The following GON4L variants were observed in gnomAD, a reference collection of about 807,000 sequenced individuals.
GON4L encodes gon-4 like.
Under a neutral mutation model 211.8 loss-of-function variants are expected in GON4L, and 87 were observed. That is an observed-to-expected ratio of 0.41 (90% confidence interval 0.35 to 0.49). The LOEUF (loss-of-function observed/expected upper bound fraction) is 0.49. Ranked by LOEUF, GON4L falls within the 20% of genes least tolerant of loss-of-function variation. GON4L has a pLI of 0.15. For synonymous variants in GON4L, 875 were observed against 962.6 expected (o/e 0.91, Z 1.68); for missense variants, 2,155 against 2,659.5 (o/e 0.81, Z 4.17).
At chr1:155,787,230 A>C (rs1042071541) in intron 12 of GON4L, among the ~76,000 whole-genome samples, 12 of 152,212 alleles carry the variant, frequency 7.9e-5, no homozygotes, top group Non-Finnish European at 1.5e-4. Context: ...AGATCAGTTT[A>C]TTAACTGCAT....
rs775951106 is a variant in GON4L, at chr1:155,826,996, G to A, written c.538C>T (p.Pro180Ser). The change falls in exon 3 of 32, where the codon CCT becomes TCT. Residue 180 changes from proline to serine, a missense_variant. Transcript: ENST00000368331. ...GATTGGCTGCCTGATGGCAGGGAAG[G>A]TATCTCCCCTTCAGAATTCATTTGA... ...KPQMNSEGEI[P>S]SLPSGSQSAK... 9.3e-6 allele frequency: 15 copies of A among 1,613,744 alleles called. No homozygotes were observed. In the South Asian group the frequency reaches 1.6e-4, roughly 18 times the overall value.
Position 155,766,105 on chromosome 1 carries a change from C to A in GON4L, c.3368G>T (p.Arg1123Ile). ...CATACAGGGAGAGGCCTTGACTCCT[C>A]TTCTCTTTGAGGGTCTCCGTCTCAC... ...PYVRRRPSKR[R>I]GVKASPCMKP... Residue 1123 changes from arginine (R) to isoleucine (I), a missense_variant, in exon 21 of 32, where the codon AGA (arginine) becomes ATA (isoleucine). Arg to Ile is a moderately conservative substitution (Grantham distance 97). Coordinates refer to ENST00000368331, the MANE Select transcript of GON4L (RefSeq NM_001282860.2). The A allele has an allele frequency of 6.2e-7, 1 of 1,614,172 alleles. No homozygotes were observed. The highest frequency in any genetic ancestry group is 1.1e-5 in the South Asian group (1 of 91,076).
chr1:155,803,562 C>CA (rs1198630356), intron 11 of GON4L, among the ~76,000 whole-genome samples: 8 of 152,068 alleles, frequency 5.3e-5, no homozygotes, highest in Admixed American at 4.6e-4. Flanking sequence ...TGTTTCCATC[C>CA]AAACTTTTAT....
chr1:155,838,486 T>C (rs1670505219), intron 2 of GON4L, among the ~76,000 whole-genome samples: 2 of 152,206 alleles, frequency 1.3e-5, no homozygotes, highest in Middle Eastern at 3.4e-3. Context: ...TTGTCTAATA[T>C]AGTTCCAGCT....
In GON4L at chr1:155,766,580, T is replaced by A. The variant is rs142139117; in HGVS notation, c.2893A>T (p.Ser965Cys). 163 of 1,613,980 alleles carry A rather than the reference T, an allele frequency of 1.0e-4. No individual in the cohort carries two copies. Among genetic ancestry groups the A allele is most frequent in the Non-Finnish European group, 1.3e-4 (158 of 1,180,026 alleles). Residue 965 changes from serine (S) to cysteine (C), a missense_variant, in exon 21 of 32, where the codon AGT (serine) becomes TGT (cysteine). By Grantham distance (112) the Ser-to-Cys change is moderately radical. Around this residue, in one of 6 missense-constraint regions of GON4L, gnomAD observed 615 missense variants for 625.7 expected, o/e 0.98. Transcript: ENST00000368331. Reference protein sequence around the residue: ...SLEKDNLELGSESRYPLLLPK... With the variant: ...SLEKDNLELGCESRYPLLLPK... ...AATAGCAGTGGGTACCGAGATTCACTCCCCAACTCCAAATTGTCTTTTTCT... is the reference window on the plus strand; with the variant it reads ...AATAGCAGTGGGTACCGAGATTCACACCCCAACTCCAAATTGTCTTTTTCT...
intron 23 of GON4L, 27 bp from the exon 24 acceptor site, chr1:155,760,668 A>G (rs1480458695): frequency 6.6e-7 from 1 of 1,509,096 alleles, no homozygotes; most frequent in South Asian, 1.1e-5. Context: ...TCAATCATCA[A>G]CACCCTTTAT....
intron 13 of GON4L, 187 bp from the exon 14 acceptor site, chr1:155,784,276 C>G: frequency 1.5e-6 from 1 of 665,802 alleles, no homozygotes; most frequent in East Asian, 3.3e-5. Flanking sequence ...GGCTATTATG[C>G]CAAGAAAGAA....
intron 29 of GON4L, among the ~76,000 whole-genome samples, 176 bp from the exon 30 acceptor site, chr1:155,752,766 G>A (rs4278368): frequency 0.29 from 43,421 of 151,898 alleles, 6,874 homozygotes; most frequent in East Asian, 0.7. Context: ...GACTGCCAGG[G>A]GTTTGAGACT....
chr1:155,816,368 C>A, intron 6 of GON4L, 106 bp from the exon 7 acceptor site: 1 of 663,280 alleles, frequency 1.5e-6, no homozygotes, highest in Non-Finnish European at 2.8e-6. Flanking sequence ...TAACAAGTAA[C>A]TGCAGTGATC....
At chr1:155,826,022 G>A (rs1669177760) in intron 3 of GON4L, among the ~76,000 whole-genome samples, 1 of 152,004 alleles carries the variant, frequency 6.6e-6, no homozygotes, top group Admixed American at 6.6e-5. Flanking sequence ...CAGCAGCCTG[G>A]GCAACAAAGC....
At chr1:155,834,051 C>T (rs547131837) in intron 2 of GON4L, among the ~76,000 whole-genome samples, 6 of 152,106 alleles carry the variant, frequency 3.9e-5, no homozygotes, top group African/African-American at 1.4e-4. Context: ...TTCTTGAACT[C>T]CTGGCCACAA....
Position 155,765,495 on chromosome 1 carries a change from C to A in GON4L, c.3978G>T (p.Lys1326Asn). 1 of 1,614,194 alleles carries A rather than the reference C, an allele frequency of 6.2e-7. No homozygotes were observed. The highest frequency in any genetic ancestry group is 2.2e-5 in the East Asian group (1 of 44,886). Residue 1326 changes from lysine (K) to asparagine (N), a missense_variant, in exon 21 of 32, where the codon AAG (lysine) becomes AAT (asparagine). Transcript: ENST00000368331. ...PTPGDLEEIV[K>N]MEPEEAREEI... ...CCTCTCTAGCTTCTTCAGGTTCCATCTTGACAATTTCCTCTAAATCCCCAG... is the reference window on the plus strand; with the variant it reads ...CCTCTCTAGCTTCTTCAGGTTCCATATTGACAATTTCCTCTAAATCCCCAG...
intron 6 of GON4L, 134 bp from the exon 7 acceptor site, chr1:155,816,396 C>T (rs1214314722): frequency 3.4e-6 from 2 of 594,020 alleles, no homozygotes; most frequent in East Asian, 2.8e-5. Context: ...GTTGATTATC[C>T]CTGAGGGTAT....
chr1:155,798,996 CTTA>C (rs1239659412), intron 11 of GON4L, among the ~76,000 whole-genome samples: 4 of 152,102 alleles, frequency 2.6e-5, no homozygotes, highest in African/African-American at 7.2e-5. Context: ...ACTTTTTTGA[CTTA>C]TTAACAATGT....
At chr1:155,788,918 G>A (rs917848763) in intron 12 of GON4L, among the ~76,000 whole-genome samples, 2 of 151,944 alleles carry the variant, frequency 1.3e-5, no homozygotes, top group Non-Finnish European at 2.9e-5. Context: ...GTGAAACCCC[G>A]TCTCTACTAA....
At chr1:155,826,574 A>C (rs1042852356) in intron 3 of GON4L, among the ~76,000 whole-genome samples, 6 of 151,970 alleles carry the variant, frequency 3.9e-5, no homozygotes, top group Non-Finnish European at 7.4e-5. Flanking sequence ...CTCAAAAAAA[A>C]AAAAAAAAAA....
chr1:155,843,629 T>C (rs556941416), intron 2 of GON4L, among the ~76,000 whole-genome samples: 2 of 150,990 alleles, frequency 1.3e-5, no homozygotes, highest in East Asian at 3.9e-4. Context: ...AGTAGCCAAA[T>C]TCCCAAGGCC....
chr1:155,813,575 G>T, intron 10 of GON4L, 59 bp downstream of exon 10: 1 of 1,265,134 alleles, frequency 7.9e-7, no homozygotes, highest in Non-Finnish European at 1.2e-6. Context: ...TTCCCAGCCT[G>T]AGCAACAACT....
rs1662375307 is a variant in GON4L, at chr1:155,765,624, T to C, written c.3849A>G (p.Ser1283=). 1 of 1,614,224 alleles carries C rather than the reference T, an allele frequency of 6.2e-7. No individual in the cohort carries two copies. ...CGGTCCAGCGACAGGCACTATTCTC[T>C]GACAATCCTTCTTGGCACTCTGCAT... The part of the protein sequence containing the change: ...LADAECQEGL[S]ENSACRWTVV... Residue 1283 remains serine (S), a synonymous_variant, in exon 21 of 32, where the codon TCA becomes TCG. Coordinates refer to ENST00000368331, the MANE Select transcript of GON4L (RefSeq NM_001282860.2).
Sources: allele counts gnomAD v4.1 joint callset (sites outside exome capture counted in the v4.1 genomes callset), GRCh38; gene constraint gnomAD v4.1.1; regional missense constraint gnomAD v4.1.1; transcripts MANE v1.5; gene names NCBI Gene and HGNC (gene_info 2026-07-23, HGNC 2026-07-21).